The following GPHN variants were observed in gnomAD, a reference collection of about 807,000 sequenced individuals.
The protein encoded by GPHN is gephyrin.
Under a neutral mutation model 95.5 loss-of-function variants are expected in GPHN, and 17 were observed. The observed-to-expected ratio is 0.18, with a 90% CI of 0.12 to 0.27. GPHN has a LOEUF of 0.27. Among genes scored for constraint, GPHN ranks in the 10% least tolerant of loss-of-function variants. The pLI, the probability that GPHN is intolerant of heterozygous loss-of-function variation, is 1.00. For missense variants in GPHN, 660 were observed against 978.1 expected, an observed-to-expected ratio of 0.67 and a Z score of 4.34; for synonymous variants, 320 against 322.5, an observed-to-expected ratio of 0.99 and a Z score of 0.08.
At chr14:67,392,765 T>G in the GPHN span, 1 of 1,614,046 alleles carries the variant, frequency 6.2e-7, no homozygotes, top group South Asian at 1.1e-5. Flanking sequence ...GAAGTTCTCC[T>G]CCATGAGCAT....
At chr14:67,729,760 G>A in the GPHN span, 1 of 505,842 alleles carries the variant, frequency 2.0e-6, no homozygotes, top group African/African-American at 1.9e-5. Flanking sequence ...AAGTGCTAGG[G>A]GAACGTCCTC....
Position 66,587,497 on chromosome 14 carries a change from T to A in GPHN, c.64+78906T>A, listed in dbSNP as rs189932332. On this transcript the variant is annotated intron_variant, in intron 1 of 22. Coordinates refer to ENST00000478722, the MANE Select transcript of GPHN (RefSeq NM_020806.5). ...CTCAATAAAATACTAGCAAATTAAA[T>A]TCAGTAACACATTATAAGGATCTGT... Among the ~76,000 whole-genome samples the A allele has an allele frequency of 6.4e-4, 97 of 152,278 alleles. 2 individuals carry two copies. The East Asian group carries it at 0.019, about 29-fold the overall frequency.
chr14:67,517,280 C>T, the GPHN span, among the ~76,000 whole-genome samples: 1 of 152,192 alleles, frequency 6.6e-6, no homozygotes, highest in Non-Finnish European at 1.5e-5. Flanking sequence ...TGGCAGCTGG[C>T]TCTCCCCCAG....
At chr14:67,338,482 T>C in the GPHN span, 1 of 928,794 alleles carries the variant, frequency 1.1e-6, no homozygotes, top group Non-Finnish European at 1.6e-6. Flanking sequence ...AGTAATCCCA[T>C]AAATAGACAT....
At chr14:67,470,695 A>G in the GPHN span, 1 of 152,888 alleles carries the variant, frequency 6.5e-6, no homozygotes, top group East Asian at 1.9e-4. Context: ...GTGAATAAGC[A>G]TAGGCCATTG....
the GPHN span, chr14:67,660,178 G>T: frequency 2.8e-6 from 1 of 353,672 alleles, no homozygotes; most frequent in Non-Finnish European, 5.1e-6. Context: ...GTACTTTATA[G>T]CTTACTAAAC....
At position 66,629,164 on chromosome 14, in the gene GPHN, TATAA is replaced by T. The variant is rs1344929055; in HGVS notation, c.65-51939_65-51936del. On this transcript the variant is annotated intron_variant, in intron 1 of 22. Coordinates refer to ENST00000478722, the MANE Select transcript of GPHN (RefSeq NM_020806.5). ...ATTTATATACATATATAAATATGTA[TATAA>T]ATATATATATACATATATAAATATG... Among the ~76,000 whole-genome samples the T allele has an allele frequency of 4.0e-5, 4 of 101,050 alleles. No individual in the cohort carries two copies. In the South Asian group the frequency reaches 8.0e-4, roughly 20 times the overall value. 66.3% of individuals were successfully genotyped at this position (101,050 alleles called of 152,430 possible).
chr14:67,008,782 A>G (rs924855574), intron 9 of GPHN, among the ~76,000 whole-genome samples: 10 of 152,072 alleles, frequency 6.6e-5, no homozygotes, highest in South Asian at 2.1e-4. Context: ...TCTGGGTTCA[A>G]GCAATCCTCT....
chr14:67,530,929 T>C, the GPHN span, among the ~76,000 whole-genome samples: 1 of 152,226 alleles, frequency 6.6e-6, no homozygotes, highest in Non-Finnish European at 1.5e-5. Context: ...TCACGTCCCA[T>C]GGCAGCTAAT....
the GPHN span, among the ~76,000 whole-genome samples, chr14:67,505,595 C>G: frequency 6.6e-6 from 1 of 152,116 alleles, no homozygotes; most frequent in Non-Finnish European, 1.5e-5. Context: ...CAGGTCTTCT[C>G]TGAGATGGTC....
chr14:66,937,856 C>T (rs2067212322), intron 8 of GPHN, among the ~76,000 whole-genome samples: 2 of 151,946 alleles, frequency 1.3e-5, no homozygotes, highest in Non-Finnish European at 2.9e-5. Context: ...TTTTGCCAAC[C>T]CAAGATTAGT....
Position 66,585,024 on chromosome 14 carries a change from T to G in GPHN, c.64+76433T>G, listed in dbSNP as rs528591776. Among the ~76,000 whole-genome samples the G allele has an allele frequency of 3.6e-3, 555 of 152,268 alleles. 12 individuals are homozygous for G. Among genetic ancestry groups the G allele is most frequent in the African/African-American group, 0.013 (528 of 41,554 alleles). On this transcript the variant is annotated intron_variant, in intron 1 of 22. Transcript: ENST00000478722. The stretch of plus-strand genomic sequence containing the variant: ...CTGTGAATCCATCTGGTCCTGGACT[T>G]TTTTTGGTTGGTAAGCTATTAATTA...
chr14:67,468,173 C>T, the GPHN span, among the ~76,000 whole-genome samples: 1 of 152,108 alleles, frequency 6.6e-6, no homozygotes, highest in African/African-American at 2.4e-5. Flanking sequence ...GGGGTTTCAC[C>T]ATGTTGGCCA....
intron 2 of GPHN, among the ~76,000 whole-genome samples, chr14:66,725,470 GTTT>G (rs1401026685): frequency 6.6e-6 from 1 of 152,104 alleles, no homozygotes; most frequent in African/African-American, 2.4e-5. Flanking sequence ...GACAGATAGT[GTTT>G]TTGTTTGTTT....
At chr14:67,363,679 G>A in the GPHN span, among the ~76,000 whole-genome samples, 9 of 152,270 alleles carry the variant, frequency 5.9e-5, no homozygotes, top group Admixed American at 2.0e-4. Context: ...ACCACAAGGA[G>A]ATAGGCAATG....
intron 3 of GPHN, among the ~76,000 whole-genome samples, chr14:66,808,273 T>G (rs1350810601): frequency 6.6e-6 from 1 of 152,218 alleles, no homozygotes; most frequent in Non-Finnish European, 1.5e-5. Flanking sequence ...CTTATAAATT[T>G]TAGATATGAA....
chr14:66,519,484 TAAAA>T (rs916524352), intron 1 of GPHN, among the ~76,000 whole-genome samples: 2 of 152,086 alleles, frequency 1.3e-5, no homozygotes, highest in African/African-American at 4.8e-5. Flanking sequence ...TTCTAACACT[TAAAA>T]AAAGATATTT....
At chr14:66,692,241 A>T (rs1377538674) in intron 2 of GPHN, among the ~76,000 whole-genome samples, 3 of 152,106 alleles carry the variant, frequency 2.0e-5, no homozygotes, top group Admixed American at 2.0e-4. Context: ...TAAAACATGC[A>T]ATTTTTATTA....
intron 1 of GPHN, among the ~76,000 whole-genome samples, chr14:66,623,530 A>G (rs944973037): frequency 9.2e-5 from 14 of 151,732 alleles, no homozygotes; most frequent in Middle Eastern, 3.4e-3. Context: ...AGGCACGAGA[A>G]TCACTTGAAC....
Sources: allele counts gnomAD v4.1 joint callset (sites outside exome capture counted in the v4.1 genomes callset), GRCh38; gene constraint gnomAD v4.1.1; transcripts MANE v1.5; gene names NCBI Gene and HGNC (gene_info 2026-07-23, HGNC 2026-07-21).